Variants in LANCL2 observed in about 807,000 individuals in gnomAD.
LANCL2 encodes the protein LanC like glutathione S-transferase 2.
In LANCL2, 33 loss-of-function variants were observed where a neutral mutation model predicts 56.9. The ratio of observed to expected loss-of-function variants is 0.58; its 90% CI spans 0.44 to 0.78. LANCL2 has a LOEUF of 0.78. Ranked by LOEUF, LANCL2 falls within the 30% of genes least tolerant of loss-of-function variation. The pLI is 0.00. For missense variants in LANCL2, 562 were observed against 580.2 expected (o/e 0.97, Z 0.32); for synonymous variants, 233 against 228.2 (o/e 1.02, Z -0.19).
At chr7:55,382,275 A>G (rs1208984681) in intron 1 of LANCL2, among the ~76,000 whole-genome samples, 4 of 152,194 alleles carry the variant, frequency 2.6e-5, no homozygotes, top group African/African-American at 9.7e-5. Flanking sequence ...AAAATGAGGA[A>G]ATCTCAGTAG....
At chr7:55,374,715 T>A (rs577511064) in intron 1 of LANCL2, among the ~76,000 whole-genome samples, 1 of 152,344 alleles carries the variant, frequency 6.6e-6, no homozygotes, top group East Asian at 1.9e-4. Context: ...TGAATTAGCC[T>A]AGGAGAGCTG....
intron 1 of LANCL2, among the ~76,000 whole-genome samples, chr7:55,389,626 T>C (rs1410167810): frequency 6.6e-6 from 1 of 151,622 alleles, no homozygotes; most frequent in East Asian, 1.9e-4. Flanking sequence ...AATTTCTTCC[T>C]ATTTACCTGA....
At chr7:55,418,637 C>T (rs1161539844) in intron 6 of LANCL2, among the ~76,000 whole-genome samples, 1 of 151,876 alleles carries the variant, frequency 6.6e-6, no homozygotes, top group East Asian at 1.9e-4. Flanking sequence ...TTTCCTTTAC[C>T]TCTTTTATTA....
intron 5 of LANCL2, among the ~76,000 whole-genome samples, chr7:55,402,291 C>CG (rs1250947641): frequency 3.9e-5 from 2 of 50,886 alleles, no homozygotes; most frequent in African/African-American, 2.0e-4. Context: ...GCTGGCCGGG[C>CG]GGGGGGCTGA....
chr7:55,391,806 T>A lies in LANCL2; in HGVS notation c.218T>A (p.Phe73Tyr), dbSNP rs769629301. The change falls in exon 2 of 9, where the codon TTC becomes TAC. Residue 73 changes from phenylalanine to tyrosine, a missense_variant. Phe to Tyr is a conservative substitution (Grantham distance 22). Around this residue, in one of 2 missense-constraint regions of LANCL2, gnomAD observed 184 missense variants for 111.8 expected, o/e 1.65. Coordinates refer to ENST00000254770, the MANE Select transcript of LANCL2 (RefSeq NM_018697.4). ...TTTGGATCTCAGATCATTCATAATT[T>A]CATAAGACGGATCCAGACCAAAATT... Reference protein sequence around the residue: ...FHQDGKIIHNFIRRIQTKIKD... With the variant: ...FHQDGKIIHNYIRRIQTKIKD... 15 of 1,591,276 alleles carry A rather than the reference T, an allele frequency of 9.4e-6. No individual in the cohort carries two copies. In the Admixed American group the frequency reaches 2.5e-4, roughly 27 times the overall value.
chr7:55,390,950 A>T (rs1349707028), intron 1 of LANCL2, among the ~76,000 whole-genome samples: 1 of 151,110 alleles, frequency 6.6e-6, no homozygotes, highest in African/African-American at 2.4e-5. Flanking sequence ...TATATTTTTT[A>T]ATCTGGTAAG....
chr7:55,424,354 GGACCCCAGAAA>G (rs927041645), intron 6 of LANCL2, among the ~76,000 whole-genome samples: 9 of 152,156 alleles, frequency 5.9e-5, no homozygotes, highest in African/African-American at 2.2e-4. Context: ...GCTTGCTCCT[GGACCCCAGAAA>G]GCTTTGTGCC....
chr7:55,387,320 G>A (rs913914865), intron 1 of LANCL2, among the ~76,000 whole-genome samples: 1 of 152,118 alleles, frequency 6.6e-6, no homozygotes, highest in Admixed American at 6.6e-5. Context: ...TTATGTTAGA[G>A]GAAAACATTG....
intron 1 of LANCL2, 27 bp from the exon 2 acceptor site, chr7:55,391,766 A>C: frequency 8.1e-7 from 1 of 1,231,810 alleles, no homozygotes; most frequent in South Asian, 1.2e-5. Flanking sequence ...TTGTGAAGTT[A>C]AAGTTATCTC....
intron 2 of LANCL2, among the ~76,000 whole-genome samples, chr7:55,395,599 ACTAT>A (rs1790241051): frequency 1.3e-5 from 2 of 152,204 alleles, no homozygotes; most frequent in African/African-American, 4.8e-5. Flanking sequence ...ACTAAATGAA[ACTAT>A]CAAGGAAAAA....
chr7:55,421,700 G>T, intron 6 of LANCL2, among the ~76,000 whole-genome samples: 1 of 151,738 alleles, frequency 6.6e-6, no homozygotes. Context: ...AATGCTATAG[G>T]GGTTGCAATA....
chr7:55,368,608 G>A (rs1468265099), intron 1 of LANCL2, among the ~76,000 whole-genome samples: 1 of 152,132 alleles, frequency 6.6e-6, no homozygotes, highest in Admixed American at 6.5e-5. Flanking sequence ...AATCTGTTAA[G>A]AATGCAATTT....
chr7:55,370,766 T>TAATG (rs889273374), intron 1 of LANCL2, among the ~76,000 whole-genome samples: 2 of 152,094 alleles, frequency 1.3e-5, no homozygotes, highest in African/African-American at 4.8e-5. Flanking sequence ...TACCACATTA[T>TAATG]GAGAATATCA....
chr7:55,411,735 A>C (rs1790472206), intron 5 of LANCL2, among the ~76,000 whole-genome samples, 172 bp from the exon 6 acceptor site: 1 of 152,268 alleles, frequency 6.6e-6, no homozygotes, highest in Admixed American at 6.5e-5. Context: ...TAAGATTTCA[A>C]ACAGTTGAAA....
intron 1 of LANCL2, among the ~76,000 whole-genome samples, chr7:55,367,759 T>A (rs191794598): frequency 6.6e-6 from 1 of 152,170 alleles, no homozygotes; most frequent in Admixed American, 6.5e-5. Context: ...TGGGAACAAG[T>A]CCTAACTGAT....
chr7:55,433,159 C>G lies in LANCL2; in HGVS notation c.*1839C>G, dbSNP rs540915126. The G allele has an allele frequency of 4.6e-5, 7 of 152,368 alleles. No homozygotes were observed. Among genetic ancestry groups the G allele is most frequent in the Non-Finnish European group, 8.8e-5 (6 of 68,114 alleles). 9.4% of individuals were successfully genotyped at this position (152,368 alleles called of 1,614,324 possible). On this transcript the variant is annotated 3_prime_UTR_variant, in exon 9 of 9. Coordinates refer to ENST00000254770, the MANE Select transcript of LANCL2 (RefSeq NM_018697.4). Reference sequence around the variant, plus strand: ...GCTCTCCAGGGCAGCCCCTCTCAGACGAGGAGGCAGCGGGTGCAGCCAGGT... The same window carrying G: ...GCTCTCCAGGGCAGCCCCTCTCAGAGGAGGAGGCAGCGGGTGCAGCCAGGT...
chr7:55,378,917 G>T (rs2128991568), intron 1 of LANCL2, among the ~76,000 whole-genome samples: 1 of 152,336 alleles, frequency 6.6e-6, no homozygotes. Context: ...CGGATCACGA[G>T]GTCAGGAGAT....
chr7:55,386,239 C>T (rs1463558281), intron 1 of LANCL2, among the ~76,000 whole-genome samples: 1 of 152,168 alleles, frequency 6.6e-6, no homozygotes, highest in Admixed American at 6.5e-5. Flanking sequence ...TAGGAAATCA[C>T]AAGGATATTG....
intron 6 of LANCL2, among the ~76,000 whole-genome samples, chr7:55,424,205 A>G (rs3807359): frequency 0.65 from 99,047 of 152,112 alleles, 32,612 homozygotes; most frequent in Admixed American, 0.72. Flanking sequence ...AAAACAGTAC[A>G]TGGCCTGTGA....
Sources: allele counts gnomAD v4.1 joint callset (sites outside exome capture counted in the v4.1 genomes callset), GRCh38; gene constraint gnomAD v4.1.1; regional missense constraint gnomAD v4.1.1; transcripts MANE v1.5; gene names NCBI Gene and HGNC (gene_info 2026-07-23, HGNC 2026-07-21).